The following SHANK1 variants were observed in gnomAD, a reference collection of about 807,000 sequenced individuals.
SHANK1 encodes the protein SH3 and multiple ankyrin repeat domains protein 1.
A neutral mutation model predicts 165.6 loss-of-function variants in SHANK1; 35 were observed. The observed-to-expected ratio is 0.21, with a 90% CI of 0.16 to 0.28. The LOEUF (loss-of-function observed/expected upper bound fraction) is 0.28. Ranked by LOEUF, SHANK1 falls within the 10% of genes least tolerant of loss-of-function variation. SHANK1 has a pLI of 1.00. For missense variants in SHANK1, 2,681 were observed against 3,036.4 expected, an observed-to-expected ratio of 0.88 and a Z score of 2.75; for synonymous variants, 1,428 against 1,384.8, an observed-to-expected ratio of 1.03 and a Z score of -0.69.
At chr19:50,673,603 T>C (rs1199748235) in intron 21 of SHANK1, among the ~76,000 whole-genome samples, 7 of 152,178 alleles carry the variant, frequency 4.6e-5, no homozygotes, top group Non-Finnish European at 1.0e-4. Flanking sequence ...TCTTGTTTAC[T>C]TGCTGTCTGT....
At chr19:50,705,996 A>G (rs1333144241) in intron 8 of SHANK1, among the ~76,000 whole-genome samples, 1 of 152,164 alleles carries the variant, frequency 6.6e-6, no homozygotes, top group East Asian at 1.9e-4. Context: ...GTCTGTACAG[A>G]AAATTTTAAA....
Position 50,711,949 on chromosome 19 carries a change from G to C in SHANK1, c.958C>G (p.Gln320Glu), listed in dbSNP as rs761402796. 1.2e-6 allele frequency: 2 copies of C among 1,614,062 alleles called. No homozygotes were observed. The highest frequency in any genetic ancestry group is 1.7e-6 in the Non-Finnish European group (2 of 1,180,014). The change falls in exon 7 of 24, where the codon CAG becomes GAG. Residue 320 changes from glutamine (Q) to glutamate (E), a missense_variant and splice_region_variant. By Grantham distance (29) the Gln-to-Glu change is conservative. Coordinates refer to ENST00000293441, the MANE Select transcript of SHANK1 (RefSeq NM_016148.5). The stretch of plus-strand genomic sequence containing the variant: ...TTCATGGCCTGAATCAGGAGCACCT[G>C]GTGGATTTCCTGCCAGCCGTTCTCA... Reference protein sequence around the residue: ...ADENGWQEIHQACQRGHSQHL... With the variant: ...ADENGWQEIHEACQRGHSQHL...
In SHANK1 at chr19:50,667,067, C is replaced by T; in HGVS notation, c.4893G>A (p.Val1631=). Residue 1631 remains valine (V), a synonymous_variant, in exon 23 of 24, where the codon GTG becomes GTA. Coordinates refer to ENST00000293441, the MANE Select transcript of SHANK1 (RefSeq NM_016148.5). This position sits in a 1 kb window ranked among gnomAD's most constrained non-coding sequence, Gnocchi z 5.7. ...ASSLTSYDSE[V]ATLTQGASAA... ...CGGAGGCCCCCTGGGTCAGGGTGGC[C>T]ACCTCGCTGTCATAGGATGTCAGGC... 1.3e-6 allele frequency: 2 copies of T among 1,553,164 alleles called. No individual in the cohort carries two copies. The highest frequency in any genetic ancestry group is 1.7e-6 in the Non-Finnish European group (2 of 1,153,916).
At chr19:50,695,251 GGGGGCGCGGGGGCGC>G (rs979708703) in intron 15 of SHANK1, among the ~76,000 whole-genome samples, 2 of 145,010 alleles carry the variant, frequency 1.4e-5, no homozygotes, top group East Asian at 2.0e-4. Flanking sequence ...TCACATGCCG[GGGGGCGCGGGGGCGC>G]GGGGCGCGGG....
chr19:50,662,451 G>A lies in SHANK1; in HGVS notation c.6000C>T (p.Ser2000=), dbSNP rs1179438871. ...GCTCCGAGGCGGGCAGCAGCGAGGG[G>A]CTGGGGGCCCGGCGGAGCAGAGGGG... ...MRPPLLRRAP[S]PSLLPASEHK... The change falls in exon 24 of 24, where the codon AGC becomes AGT. Residue 2000 remains serine, a synonymous_variant. Transcript: ENST00000293441. The surrounding 1 kb of genome is among the most constrained non-coding windows in gnomAD (Gnocchi z 7.7). 1 of 1,553,474 alleles carries A rather than the reference G, an allele frequency of 6.4e-7. No individual in the cohort carries two copies. The highest frequency in any genetic ancestry group is 1.9e-5 in the Admixed American group (1 of 51,940).
rs1462285630 is a variant in SHANK1, at chr19:50,718,711, G to C, written c.-44+695C>G. 6.6e-6 allele frequency among the ~76,000 whole-genome samples: 1 copy of C among 151,578 alleles called. No individual in the cohort carries two copies. The highest frequency in any genetic ancestry group is 2.4e-5 in the African/African-American group (1 of 41,250). On this transcript the variant is annotated intron_variant, in intron 1 of 23. Coordinates refer to ENST00000293441, the MANE Select transcript of SHANK1 (RefSeq NM_016148.5). The surrounding 1 kb of genome is among the most constrained non-coding windows in gnomAD (Gnocchi z 5.1). Reference sequence around the variant, plus strand: ...GGCTGGCGTGGCCGAGAGCGGGGCCGGGGAGAATGAATGGAGGCGGAGGGA... The same window carrying C: ...GGCTGGCGTGGCCGAGAGCGGGGCCCGGGAGAATGAATGGAGGCGGAGGGA...
intron 21 of SHANK1, among the ~76,000 whole-genome samples, chr19:50,679,735 C>T (rs1277780299): frequency 6.6e-6 from 1 of 151,706 alleles, no homozygotes; most frequent in Non-Finnish European, 1.5e-5. Context: ...AGAGAATGGA[C>T]GGGGAGACAA....
At chr19:50,673,524 G>A (rs1048031402) in intron 21 of SHANK1, among the ~76,000 whole-genome samples, 11 of 151,922 alleles carry the variant, frequency 7.2e-5, no homozygotes, top group South Asian at 2.1e-4. Flanking sequence ...GACCTTCCCC[G>A]GCCCCCTACC....
chr19:50,673,880 G>A (rs1044309914), intron 21 of SHANK1, among the ~76,000 whole-genome samples: 1 of 151,156 alleles, frequency 6.6e-6, no homozygotes, highest in Admixed American at 6.6e-5. Context: ...TGCAGCCTTG[G>A]CCTCCCGGGC....
chr19:50,703,607 G>T lies in SHANK1; in HGVS notation c.1446C>A (p.Ser482Arg). 1.9e-6 allele frequency: 3 copies of T among 1,558,824 alleles called. No individual in the cohort carries two copies. Among genetic ancestry groups the T allele is most frequent in the Non-Finnish European group, 1.7e-6 (2 of 1,154,942 alleles). The change falls in exon 11 of 24, where the codon AGC becomes AGA. Residue 482 changes from serine to arginine, a missense_variant. By Grantham distance (110) the Ser-to-Arg change is moderately radical (BLOSUM62 -1). This residue lies in a region of SHANK1 where 195 missense variants were observed against 186.2 expected (regional missense o/e 1.05). Transcript: ENST00000293441. ...SQPSAPTTKL[S>R]SGTLRSASSP... ...TGCTGGCACTTCGGAGGGTCCCGCT[G>T]CTGAGCTTGGTGGTGGGGGCCGAGG...
intron 15 of SHANK1, among the ~76,000 whole-genome samples, chr19:50,693,359 G>C (rs2123147497): frequency 7.2e-6 from 1 of 138,080 alleles, no homozygotes; most frequent in South Asian, 2.4e-4. Flanking sequence ...CTCCTACCCA[G>C]ACCCCTCTAG....
At chr19:50,676,444 C>T (rs1985987921) in intron 21 of SHANK1, among the ~76,000 whole-genome samples, 5 of 151,958 alleles carry the variant, frequency 3.3e-5, no homozygotes, top group African/African-American at 1.2e-4. Flanking sequence ...GGTGCAAAGG[C>T]CCTGAGGTGA....
rs144646589 is a variant in SHANK1, at chr19:50,665,334, T to TG, written c.5768+857dup. Among the ~76,000 whole-genome samples, 1,334 of 151,502 alleles carry TG rather than the reference T, an allele frequency of 8.8e-3. 22 individuals carry two copies. Among genetic ancestry groups the TG allele is most frequent in the African/African-American group, 0.03 (1,257 of 41,278 alleles). On this transcript the variant is annotated intron_variant, in intron 23 of 23. Transcript: ENST00000293441. ...ATCTCAGCACTTTGGGAGACCGAGG[T>TG]GGGATGAATCACCTTAGGTCAGGAG...
rs759935261 is a variant in SHANK1 at position 50,697,808 on chromosome 19, G to A, written c.1861+35C>T. On this transcript the variant is annotated intron_variant, in intron 13 of 23. Transcript: ENST00000293441. This position sits in a 1 kb window ranked among gnomAD's most constrained non-coding sequence, Gnocchi z 4.7. ...GAAAGGAGTGGACGTGGGAATCCTA[G>A]GGTCCATTGAACACTGCTGGGGGTT... The A allele has an allele frequency of 1.9e-6, 3 of 1,565,196 alleles. No individual in the cohort carries two copies. The highest frequency in any genetic ancestry group is 2.2e-5 in the South Asian group (2 of 90,098).
intron 1 of SHANK1, 68 bp downstream of exon 1, chr19:50,719,338 G>GCCCTCGCCCCCTCCCGCGGCC (rs2089107560): frequency 1.3e-5 from 2 of 151,626 alleles, no homozygotes; most frequent in African/African-American, 2.4e-5. Context: ...CATCCGGGGC[G>GCCCTCGCCCCCTCCCGCGGCC]CCCTCGCCCC....
At position 50,686,999 on chromosome 19, in the gene SHANK1, A is replaced by G. The variant is rs1168276440; in HGVS notation, c.2390-187T>C. 5.5e-6 allele frequency: 8 copies of G among 1,463,396 alleles called. No homozygotes were observed. The highest frequency in any genetic ancestry group is 6.3e-6 in the Non-Finnish European group (7 of 1,111,880). The allele number at this position is 1,463,396 out of a possible 1,614,324, so 90.7% of individuals were successfully genotyped here. A position where few individuals can be genotyped will look rare whatever the true frequency, so the allele number is the denominator to read the frequency against. ...GTCGGGAGACGGGGGCCCTCCCGCC[A>G]GTCCTGTGCCCACTCACCACTCTTC... is the stretch of plus-strand genomic sequence containing the variant. On this transcript the variant is annotated intron_variant, in intron 19 of 23. Coordinates refer to ENST00000293441, the MANE Select transcript of SHANK1 (RefSeq NM_016148.5). The surrounding 1 kb of genome is among the most constrained non-coding windows in gnomAD (Gnocchi z 5.7).
In SHANK1 at chr19:50,668,151, C is replaced by T; in HGVS notation, c.3809G>A (p.Gly1270Asp). The change falls in exon 23 of 24, where the codon GGC (glycine) becomes GAC (aspartate). Residue 1270 changes from glycine (G) to aspartate (D), a missense_variant. Transcript: ENST00000293441. ...CGGGGCCGCCCCTGTGCCCAGCCCGCCGTCCCCGCCGTCCTCGTCCCCCGC... is the reference window on the plus strand; with the variant it reads ...CGGGGCCGCCCCTGTGCCCAGCCCGTCGTCCCCGCCGTCCTCGTCCCCCGC... ...TDAGDEDGGD[G>D]GLGTGAAPGP... 3 of 1,457,690 alleles carry T rather than the reference C, an allele frequency of 2.1e-6. No individual in the cohort carries two copies. Among genetic ancestry groups the T allele is most frequent in the Non-Finnish European group, 2.7e-6 (3 of 1,113,174 alleles). The allele number at this position is 1,457,690 out of a possible 1,614,324, so 90.3% of individuals were successfully genotyped here.
At chr19:50,674,928 G>A (rs1414643723) in intron 21 of SHANK1, among the ~76,000 whole-genome samples, 3 of 151,956 alleles carry the variant, frequency 2.0e-5, no homozygotes, top group South Asian at 2.1e-4. Context: ...TGGGAGTGGC[G>A]GCATGTACCT....
At chr19:50,687,139 G>A in intron 19 of SHANK1, 1 of 668,816 alleles carries the variant, frequency 1.5e-6, no homozygotes, top group Non-Finnish European at 2.4e-6. Flanking sequence ...GGGGCCCCGG[G>A]GTGGGGGCGG....
Sources: gnomAD v4.1 joint callset for allele counts (sites outside exome capture counted in the v4.1 genomes callset) on GRCh38, gnomAD v4.1.1 for gene constraint, gnomAD v4.1.1 regional missense constraint, Gnocchi (gnomAD v3.1) non-coding constraint, MANE v1.5 for transcripts, NCBI Gene and HGNC (gene_info 2026-07-23, HGNC 2026-07-21) for gene names.